The following CAMK2B variants were observed in gnomAD, a reference collection of about 807,000 sequenced individuals.
The protein encoded by CAMK2B is calcium/calmodulin-dependent protein kinase type II subunit beta.
A neutral mutation model predicts 93.7 loss-of-function variants in CAMK2B; 27 were observed. The observed-to-expected ratio is 0.29, with a 90% CI of 0.21 to 0.40. The LOEUF (loss-of-function observed/expected upper bound fraction) is 0.40. CAMK2B is among the 10% of genes least tolerant of loss of function. The pLI is 1.00. For synonymous variants in CAMK2B, 374 were observed against 358.8 expected (o/e 1.04, Z -0.48); for missense variants, 568 against 895.8 (o/e 0.63, Z 4.67).
intron 2 of CAMK2B, among the ~76,000 whole-genome samples, chr7:44,266,099 T>C (rs1213176203): frequency 2.0e-5 from 3 of 152,174 alleles, no homozygotes; most frequent in Non-Finnish European, 4.4e-5. Context: ...AAGCTACTGA[T>C]TCAATATGAC....
At chr7:44,316,612 TG>T (rs1287021969) in intron 1 of CAMK2B, among the ~76,000 whole-genome samples, 1 of 152,214 alleles carries the variant, frequency 6.6e-6, no homozygotes, top group African/African-American at 2.4e-5. Context: ...TTTAAATGTT[TG>T]GTAGGATTTA....
At chr7:44,265,079 T>G (rs2096911598) in intron 2 of CAMK2B, among the ~76,000 whole-genome samples, 1 of 152,164 alleles carries the variant, frequency 6.6e-6, no homozygotes, top group South Asian at 2.1e-4. Context: ...CTAGTATCTT[T>G]CTTAAACTGA....
intron 19 of CAMK2B, 40 bp from the exon 20 acceptor site, chr7:44,226,684 C>T (rs368301971): frequency 1.8e-4 from 245 of 1,343,800 alleles, no homozygotes; most frequent in South Asian, 1.6e-3. Context: ...AAGGCAGGCA[C>T]GGGGGGCACG....
intron 5 of CAMK2B, among the ~76,000 whole-genome samples, chr7:44,250,692 G>A (rs2096772349): frequency 6.6e-6 from 1 of 152,104 alleles, no homozygotes; most frequent in Admixed American, 6.5e-5. Flanking sequence ...ACCACACCAG[G>A]CTAATTTTTA....
At chr7:44,240,317 C>T (rs772865220) in intron 12 of CAMK2B, among the ~76,000 whole-genome samples, 29 of 152,224 alleles carry the variant, frequency 1.9e-4, no homozygotes, top group Non-Finnish European at 3.4e-4. Flanking sequence ...CGCATCACCC[C>T]GCATCCCTTC....
In CAMK2B at chr7:44,258,340, A is replaced by C. The variant is rs2096851792; in HGVS notation, c.275+532T>G. On this transcript the variant is annotated intron_variant, in intron 4 of 23. Transcript: ENST00000395749. ...ACGCTCACTCATACATTCACACAATACACATGCACATGTATGCACATCCCC... is the reference window on the plus strand; with the variant it reads ...ACGCTCACTCATACATTCACACAATCCACATGCACATGTATGCACATCCCC... Among the ~76,000 whole-genome samples the C allele has an allele frequency of 2.0e-5, 3 of 152,230 alleles. No individual in the cohort carries two copies. The South Asian group carries it at 6.2e-4, about 31-fold the overall frequency.
At position 44,239,667 on chromosome 7, in the gene CAMK2B, T is replaced by A; in HGVS notation, c.947-4A>T. ...GGAGCGGTGGTCTGTCTGCCCACTG[T>A]TAGCACCGGGTTAGAGACGAGGGGA... On this transcript the variant is annotated splice_polypyrimidine_tract_variant and splice_region_variant and intron_variant, in intron 12 of 23. Coordinates refer to ENST00000395749, the MANE Select transcript of CAMK2B (RefSeq NM_001220.5). 6.5e-7 allele frequency: 1 copy of A among 1,549,350 alleles called. No homozygotes were observed. Among genetic ancestry groups the A allele is most frequent in the Non-Finnish European group, 8.7e-7 (1 of 1,146,240 alleles).
intron 1 of CAMK2B, among the ~76,000 whole-genome samples, chr7:44,322,583 C>A (rs1432800939): frequency 6.6e-6 from 1 of 152,216 alleles, no homozygotes; most frequent in Admixed American, 6.5e-5. Context: ...CCTTGCCTTG[C>A]TCTGTACCTG....
intron 1 of CAMK2B, among the ~76,000 whole-genome samples, chr7:44,285,284 T>G (rs970949571): frequency 2.0e-5 from 3 of 152,186 alleles, no homozygotes; most frequent in Non-Finnish European, 4.4e-5. Context: ...AAATGTCACA[T>G]GAAGGGTCTG....
chr7:44,279,523 T>C (rs984620034), intron 2 of CAMK2B, among the ~76,000 whole-genome samples: 31 of 152,336 alleles, frequency 2.0e-4, no homozygotes, highest in African/African-American at 7.5e-4. Flanking sequence ...CTGCTGAGAA[T>C]GCCAGGCAGC....
At position 44,220,132 on chromosome 7, in the gene CAMK2B, T is replaced by G. The variant is rs1410718291; in HGVS notation, c.1931A>C (p.His644Pro). The G allele has an allele frequency of 6.2e-7, 1 of 1,612,092 alleles. No individual in the cohort carries two copies. Residue 644 changes from histidine to proline, a missense_variant, in exon 23 of 24, where the codon CAC becomes CCC. His to Pro is a moderately conservative substitution (Grantham distance 77, BLOSUM62 -2). Around this residue, in one of 4 missense-constraint regions of CAMK2B, gnomAD observed 116 missense variants for 188.0 expected, o/e 0.62. Transcript: ENST00000395749. ...TSQSEETRVW[H>P]RRDGKWQNVH... Reference sequence around the variant, plus strand: ...GTTCTGCCACTTGCCGTCGCGGCGGTGCCACACGCGGGTCTCCTCAGACTG... The same window carrying G: ...GTTCTGCCACTTGCCGTCGCGGCGGGGCCACACGCGGGTCTCCTCAGACTG...
At chr7:44,237,626 G>A (rs572170012) in intron 13 of CAMK2B, among the ~76,000 whole-genome samples, 19 of 152,352 alleles carry the variant, frequency 1.2e-4, no homozygotes, top group Admixed American at 5.2e-4. Flanking sequence ...ATCTCTGCCT[G>A]GGACTAACTC....
At chr7:44,220,545 T>C in intron 22 of CAMK2B, 71 bp downstream of exon 22, 2 of 1,335,160 alleles carry the variant, frequency 1.5e-6, no homozygotes, top group Non-Finnish European at 2.1e-6. Flanking sequence ...CACCATGCTG[T>C]CCCTGGGAGG....
chr7:44,269,517 C>T (rs923637764), intron 2 of CAMK2B, among the ~76,000 whole-genome samples: 1 of 152,198 alleles, frequency 6.6e-6, no homozygotes, highest in Non-Finnish European at 1.5e-5. Flanking sequence ...CTCCCAGCCC[C>T]TCCTCCTCCC....
At chr7:44,240,304 T>C (rs896813833) in intron 12 of CAMK2B, among the ~76,000 whole-genome samples, 14 of 152,066 alleles carry the variant, frequency 9.2e-5, no homozygotes, top group Admixed American at 2.6e-4. Context: ...CCCCCGAGCC[T>C]CCCGCATCAC....
intron 2 of CAMK2B, among the ~76,000 whole-genome samples, chr7:44,278,080 G>C (rs987562829): frequency 1.3e-5 from 2 of 152,222 alleles, no homozygotes; most frequent in Non-Finnish European, 2.9e-5. Flanking sequence ...ATGGTCAGTT[G>C]AGAAACAGCC....
intron 13 of CAMK2B, 25 bp downstream of exon 13, chr7:44,239,564 G>T: frequency 6.5e-7 from 1 of 1,536,264 alleles, no homozygotes; most frequent in Non-Finnish European, 8.8e-7. Context: ...GGGAGCGGGC[G>T]GGACGCTGGT....
At chr7:44,292,844 T>C (rs1241065426) in intron 1 of CAMK2B, among the ~76,000 whole-genome samples, 2 of 152,148 alleles carry the variant, frequency 1.3e-5, no homozygotes, top group African/African-American at 4.8e-5. Flanking sequence ...AATGAACACA[T>C]TAACAAAGAA....
Position 44,225,385 on chromosome 7 carries a change from C to G in CAMK2B, c.1597+1131G>C, listed in dbSNP as rs572218172. ...CTGCGGTGCACCCACCCCAGCTGCA[C>G]GGCGGCCCCTCCCCATGCCTCCCTC... is the stretch of plus-strand genomic sequence containing the variant. On this transcript the variant is annotated intron_variant, in intron 20 of 23. Coordinates refer to ENST00000395749, the MANE Select transcript of CAMK2B (RefSeq NM_001220.5). This position sits in a 1 kb window ranked among gnomAD's most constrained non-coding sequence, Gnocchi z 5.0. 6.6e-6 allele frequency among the ~76,000 whole-genome samples: 1 copy of G among 152,118 alleles called. No individual in the cohort carries two copies. Among genetic ancestry groups the G allele is most frequent in the African/African-American group, 2.4e-5 (1 of 41,410 alleles).
Sources: gnomAD v4.1 joint callset for allele counts (sites outside exome capture counted in the v4.1 genomes callset) on GRCh38, gnomAD v4.1.1 for gene constraint, gnomAD v4.1.1 regional missense constraint, Gnocchi (gnomAD v3.1) non-coding constraint, MANE v1.5 for transcripts, NCBI Gene and HGNC (gene_info 2026-07-23, HGNC 2026-07-21) for gene names.